The following PMVK variants were observed in gnomAD, a reference collection of about 807,000 sequenced individuals.
The protein encoded by PMVK is phosphomevalonate kinase, also known as testis tissue sperm-binding protein Li 95mP.
Under a neutral mutation model 19.0 loss-of-function variants are expected in PMVK, and 10 were observed. That is an observed-to-expected ratio of 0.53 (90% CI 0.32 to 0.89). The LOEUF (loss-of-function observed/expected upper bound fraction) is 0.89. PMVK is among the 40% of genes least tolerant of loss of function. The pLI is 0.03. For missense variants in PMVK, 222 were observed against 251.1 expected (o/e 0.88, Z 0.78); for synonymous variants, 108 against 101.6 (o/e 1.06, Z -0.38).
At chr1:154,925,388 G>T in intron 4 of PMVK, 123 bp from the exon 5 acceptor site, 2 of 1,043,362 alleles carry the variant, frequency 1.9e-6, no homozygotes, top group Non-Finnish European at 2.9e-6. Context: ...AGAGCCAAGG[G>T]CTACCCACCC....
In PMVK at chr1:154,936,657, A is replaced by G; in HGVS notation, c.29T>C (p.Leu10Pro). 3 of 1,608,610 alleles carry G rather than the reference A, an allele frequency of 1.9e-6. No individual in the cohort carries two copies. The highest frequency in any genetic ancestry group is 1.3e-5 in the African/African-American group (1 of 75,002). The change falls in exon 1 of 5, where the codon CTG becomes CCG. Residue 10 changes from leucine (L) to proline (P), a missense_variant. By Grantham distance (98) the Leu-to-Pro change is moderately conservative. Coordinates refer to ENST00000368467, the MANE Select transcript of PMVK (RefSeq NM_006556.4). ...CCTCTTGCCGCTGAACAGCAGTACCAGCCGCGGGGCGCCTCCCAGCGGGGC... is the reference window on the plus strand; with the variant it reads ...CCTCTTGCCGCTGAACAGCAGTACCGGCCGCGGGGCGCCTCCCAGCGGGGC... MAPLGGAPR[L>P]VLLFSGKRKS...
upstream of PMVK, chr1:154,936,733 C>A: frequency 6.7e-7 from 1 of 1,502,710 alleles, no homozygotes; most frequent in African/African-American, 1.4e-5. Context: ...TCTCCCTACC[C>A]CTAAAATCGG....
At chr1:154,940,961 A>T (rs1654627619), upstream of PMVK, among the ~76,000 whole-genome samples, 1 of 152,156 alleles carries the variant, frequency 6.6e-6, no homozygotes, top group Admixed American at 6.5e-5. Context: ...CTTTTCATGT[A>T]TCTTACATTG....
chr1:154,939,704 CAAAAA>C (rs79939253), upstream of PMVK, among the ~76,000 whole-genome samples: 6 of 117,600 alleles, frequency 5.1e-5, no homozygotes, highest in Admixed American at 8.4e-5. Flanking sequence ...GACTCCATCT[CAAAAA>C]AAAAAAAAAA....
chr1:154,926,598 G>C (rs140249853), intron 3 of PMVK, 115 bp from the exon 4 acceptor site: 1 of 798,102 alleles, frequency 1.3e-6, no homozygotes, highest in East Asian at 2.6e-5. Context: ...CCCCATCATC[G>C]TGAGCATGTC....
chr1:154,925,013 T>G lies in PMVK; in HGVS notation c.*116A>C. 2.7e-6 allele frequency: 2 copies of G among 734,544 alleles called. No homozygotes were observed. Among genetic ancestry groups the G allele is most frequent in the Admixed American group, 2.6e-5 (1 of 37,990 alleles). 45.5% of individuals were successfully genotyped at this position (734,544 alleles called of 1,614,324 possible). ...CCAATATCCACCAACCCCCTCAGAA[T>G]CTAGACCCCCCCTGTCTGTTCCTCA... is the stretch of plus-strand genomic sequence containing the variant. On this transcript the variant is annotated 3_prime_UTR_variant, in exon 5 of 5. Coordinates refer to ENST00000368467, the MANE Select transcript of PMVK (RefSeq NM_006556.4).
At chr1:154,931,978 C>T (rs982716948) in intron 2 of PMVK, among the ~76,000 whole-genome samples, 9 of 152,122 alleles carry the variant, frequency 5.9e-5, no homozygotes, top group Non-Finnish European at 1.2e-4. Flanking sequence ...CATGTGCCAC[C>T]GTGCTCGGCC....
Position 154,932,582 on chromosome 1 carries a change from G to C in PMVK, c.96-167C>G, listed in dbSNP as rs952465430. Among the ~76,000 whole-genome samples the C allele has an allele frequency of 3.3e-5, 5 of 152,280 alleles. No individual in the cohort carries two copies. The East Asian group carries it at 7.7e-4, about 23-fold the overall frequency. On this transcript the variant is annotated intron_variant, in intron 1 of 4. Transcript: ENST00000368467. ...GATCCTGTTTCCTCATCAGAAAATG[G>C]GGATAACACTTTCTGTTCTGTCTCC...
At chr1:154,930,439 C>A (rs535704201) in intron 2 of PMVK, among the ~76,000 whole-genome samples, 1 of 151,972 alleles carries the variant, frequency 6.6e-6, no homozygotes, top group African/African-American at 2.4e-5. Context: ...CTAGGCTGGG[C>A]GACAGAGCGA....
At chr1:154,941,232 CG>C (rs1453434951), upstream of PMVK, among the ~76,000 whole-genome samples, 7 of 152,260 alleles carry the variant, frequency 4.6e-5, no homozygotes, top group South Asian at 1.5e-3. Flanking sequence ...AACAGGTGAG[CG>C]GGGAAGGGGT....
chr1:154,934,318 T>G (rs781027295), intron 1 of PMVK, among the ~76,000 whole-genome samples: 5 of 152,050 alleles, frequency 3.3e-5, no homozygotes, highest in South Asian at 4.1e-4. Context: ...CTTTGTTTTG[T>G]TTTGGTTTGG....
At chr1:154,940,432 G>T (rs1363065037), upstream of PMVK, among the ~76,000 whole-genome samples, 1 of 152,166 alleles carries the variant, frequency 6.6e-6, no homozygotes, top group Admixed American at 6.5e-5. Context: ...GGAATGGTGA[G>T]GATTAGTGGC....
chr1:154,928,976 A>C, intron 3 of PMVK, 48 bp downstream of exon 3: 55 of 1,563,128 alleles, frequency 3.5e-5, no homozygotes, highest in Non-Finnish European at 4.2e-5. Flanking sequence ...GACACAGCGA[A>C]GAGCTAGGGA....
intron 2 of PMVK, among the ~76,000 whole-genome samples, chr1:154,931,613 G>A (rs928407596): frequency 6.6e-6 from 1 of 152,114 alleles, no homozygotes; most frequent in Non-Finnish European, 1.5e-5. Context: ...AAACAGTGCT[G>A]AACATGAGAC....
At position 154,932,454 on chromosome 1, in the gene PMVK, T is replaced by C. The variant is rs1342429436; in HGVS notation, c.96-39A>G. ...AGATCAGAATCCAGTTAGCCTAGAA[T>C]TTCCAGGAGCTTCCATGTCCCAGAA... On this transcript the variant is annotated intron_variant, in intron 1 of 4. Transcript: ENST00000368467. 3 of 1,474,638 alleles carry C rather than the reference T, an allele frequency of 2.0e-6. No homozygotes were observed. The South Asian group carries it at 3.7e-5, about 18-fold the overall frequency. 91.3% of individuals were successfully genotyped at this position (1,474,638 alleles called of 1,614,324 possible). A position where few individuals can be genotyped will look rare whatever the true frequency, so the allele number is the denominator to read the frequency against.
At chr1:154,932,213 C>G in intron 2 of PMVK, 139 bp downstream of exon 2, 1 of 700,148 alleles carries the variant, frequency 1.4e-6, no homozygotes, top group Non-Finnish European at 2.6e-6. Flanking sequence ...AAGGTCCACT[C>G]ACAGAAAACC....
chr1:154,938,589 C>T (rs1000681347), upstream of PMVK, among the ~76,000 whole-genome samples: 6 of 151,972 alleles, frequency 3.9e-5, no homozygotes, highest in African/African-American at 9.7e-5. Flanking sequence ...GAAAAAGACT[C>T]CGTCTCAAAA....
rs746400201 is a variant in PMVK, at chr1:154,936,611, C to A, written c.75G>T (p.Val25=). ...SGKRKSGKDF[V]TEALQSRLGA... is the part of the protein sequence containing the mutation. ...GACACCTGCTCTGCAGCGCCTCGGT[C>A]ACGAAGTCCTTCCCGGATTTCCTCT... The change falls in exon 1 of 5, where the codon GTG becomes GTT. Residue 25 remains valine, a synonymous_variant. Transcript: ENST00000368467. 1.2e-6 allele frequency: 2 copies of A among 1,607,084 alleles called. No homozygotes were observed. The highest frequency in any genetic ancestry group is 1.3e-5 in the African/African-American group (1 of 74,880).
At chr1:154,936,563 C>T (rs1654509816) in intron 1 of PMVK, 28 bp downstream of exon 1, 1 of 1,577,174 alleles carries the variant, frequency 6.3e-7, no homozygotes, top group Non-Finnish European at 8.6e-7. Context: ...GAGAGCTCCC[C>T]CTTCCACCTT....
Sources: allele counts gnomAD v4.1 joint callset (sites outside exome capture counted in the v4.1 genomes callset), GRCh38; gene constraint gnomAD v4.1.1; transcripts MANE v1.5; gene names NCBI Gene and HGNC (gene_info 2026-07-23, HGNC 2026-07-21).